The following PID1 variants were observed in gnomAD, a reference collection of about 807,000 sequenced individuals.
PID1 encodes the protein phosphotyrosine interaction domain containing 1.
PID1 carries 10 observed loss-of-function variants against 19.1 expected under a neutral mutation model. The observed-to-expected ratio is 0.52, with a 90% CI of 0.32 to 0.89. The LOEUF is 0.89. Among genes scored for constraint, PID1 ranks in the 40% least tolerant of loss-of-function variants. The pLI, the probability that PID1 is intolerant of heterozygous loss-of-function variation, is 0.03. For missense variants in PID1, 248 were observed against 285.3 expected (o/e 0.87, Z 0.94); for synonymous variants, 130 against 116.0 (o/e 1.12, Z -0.78).
intron 2 of PID1, among the ~76,000 whole-genome samples, chr2:229,129,847 G>A (rs1177085491): frequency 2.6e-5 from 4 of 152,096 alleles, no homozygotes; most frequent in Admixed American, 6.5e-5. Flanking sequence ...TAGCACCCAC[G>A]GCTTCTAGTC....
intron 2 of PID1, among the ~76,000 whole-genome samples, chr2:229,065,705 T>C (rs10199329): frequency 0.57 from 66,217 of 116,668 alleles, 18,037 homozygotes; most frequent in Non-Finnish European, 0.63. Flanking sequence ...GGGTCTTTTG[T>C]GATTTACAAA....
chr2:229,189,976 C>G (rs1244444117), intron 1 of PID1, among the ~76,000 whole-genome samples: 1 of 152,164 alleles, frequency 6.6e-6, no homozygotes, highest in Non-Finnish European at 1.5e-5. Flanking sequence ...AGTGAGAAAG[C>G]CTCAGTTTGA....
chr2:229,159,275 C>T (rs776089442), intron 1 of PID1, among the ~76,000 whole-genome samples: 1 of 152,180 alleles, frequency 6.6e-6, no homozygotes, highest in Non-Finnish European at 1.5e-5. Context: ...TCCATCTGGC[C>T]TCTCTGGTGG....
At chr2:229,208,720 C>T (rs987767554) in intron 1 of PID1, among the ~76,000 whole-genome samples, 2 of 152,064 alleles carry the variant, frequency 1.3e-5, no homozygotes, top group African/African-American at 4.8e-5. Flanking sequence ...TTTATTCATC[C>T]TCAGTTTCAA....
chr2:229,236,996 A>G (rs1379569077), intron 1 of PID1, among the ~76,000 whole-genome samples: 1 of 150,816 alleles, frequency 6.6e-6, no homozygotes, highest in Non-Finnish European at 1.5e-5. Context: ...ATACACACAC[A>G]CACACACACA....
intron 2 of PID1, among the ~76,000 whole-genome samples, chr2:229,121,533 G>A (rs1574645710): frequency 6.6e-6 from 1 of 152,242 alleles, no homozygotes; most frequent in East Asian, 1.9e-4. Flanking sequence ...AAAGGGAGTT[G>A]GATAAGAGTG....
intron 1 of PID1, among the ~76,000 whole-genome samples, chr2:229,222,035 C>G (rs1172949255): frequency 6.6e-6 from 1 of 152,242 alleles, no homozygotes; most frequent in Non-Finnish European, 1.5e-5. Context: ...CACCCCTCTC[C>G]CACTCGGAAG....
intron 2 of PID1, among the ~76,000 whole-genome samples, chr2:229,040,895 T>C (rs147060267): frequency 4.6e-5 from 7 of 152,308 alleles, no homozygotes; most frequent in African/African-American, 1.2e-4. Context: ...TTGAGAACCA[T>C]GTTTCTCATT....
chr2:229,048,318 G>A (rs1316618286), intron 2 of PID1, among the ~76,000 whole-genome samples: 4 of 152,080 alleles, frequency 2.6e-5, no homozygotes, highest in Non-Finnish European at 4.4e-5. Context: ...TCCACATTGT[G>A]CCAATCTGCA....
intron 2 of PID1, among the ~76,000 whole-genome samples, chr2:229,097,759 G>T (rs1203385151): frequency 6.6e-6 from 1 of 152,132 alleles, no homozygotes; most frequent in Non-Finnish European, 1.5e-5. Context: ...CGAAAAAGCT[G>T]AAAGTTTTCC....
chr2:229,230,666 G>T (rs1250205191), intron 1 of PID1, among the ~76,000 whole-genome samples: 1 of 152,184 alleles, frequency 6.6e-6, no homozygotes, highest in Non-Finnish European at 1.5e-5. Flanking sequence ...GTACCAGCTT[G>T]TGAAGCTTTG....
At chr2:229,206,332 C>T (rs1310244775) in intron 1 of PID1, among the ~76,000 whole-genome samples, 1 of 151,110 alleles carries the variant, frequency 6.6e-6, no homozygotes, top group African/African-American at 2.4e-5. Context: ...TTTCAATGTT[C>T]ATTGAATATT....
chr2:229,033,950 T>C (rs1693608360), intron 2 of PID1, among the ~76,000 whole-genome samples: 1 of 152,224 alleles, frequency 6.6e-6, no homozygotes, highest in South Asian at 2.1e-4. Context: ...TAGAGATTTA[T>C]GACCTCAGCT....
chr2:229,189,766 C>T (rs1308868163), intron 1 of PID1, among the ~76,000 whole-genome samples: 2 of 152,076 alleles, frequency 1.3e-5, no homozygotes, highest in African/African-American at 2.4e-5. Context: ...GCAGAACAGT[C>T]GAGGGGCAGG....
At chr2:229,134,176 C>T (rs937161577) in intron 2 of PID1, among the ~76,000 whole-genome samples, 22 of 151,424 alleles carry the variant, frequency 1.5e-4, no homozygotes, top group Admixed American at 1.1e-3. Context: ...GGCTTCATTG[C>T]CAAAGACTGA....
intron 2 of PID1, among the ~76,000 whole-genome samples, chr2:229,074,902 A>G (rs771464541): frequency 6.6e-6 from 1 of 152,220 alleles, no homozygotes; most frequent in African/African-American, 2.4e-5. Context: ...CCAATATTAC[A>G]TATTTTTTCT....
At chr2:229,051,091 T>C (rs1693987071) in intron 2 of PID1, among the ~76,000 whole-genome samples, 1 of 152,178 alleles carries the variant, frequency 6.6e-6, no homozygotes, top group African/African-American at 2.4e-5. Context: ...ATGATCACCA[T>C]AACTCCTGGG....
intron 1 of PID1, among the ~76,000 whole-genome samples, chr2:229,185,082 C>CCTATATATATCCT (rs1559275365): frequency 2.1e-5 from 3 of 142,526 alleles, no homozygotes; most frequent in Non-Finnish European, 4.5e-5. Context: ...ATATATCCTA[C>CCTATATATATCCT]ATATATATCC....
At chr2:229,078,036 T>C (rs1401971579) in intron 2 of PID1, among the ~76,000 whole-genome samples, 5 of 152,236 alleles carry the variant, frequency 3.3e-5, no homozygotes, top group Non-Finnish European at 7.3e-5. Context: ...AGCATGTGCA[T>C]GGAATGTTAT....
Sources: gnomAD v4.1 joint callset for allele counts (sites outside exome capture counted in the v4.1 genomes callset) on GRCh38, gnomAD v4.1.1 for gene constraint, MANE v1.5 for transcripts, NCBI Gene and HGNC (gene_info 2026-07-23, HGNC 2026-07-21) for gene names.